The following CAPZA2 variants were observed in gnomAD, a reference collection of about 807,000 sequenced individuals.
The protein encoded by CAPZA2 is capping actin protein of muscle Z-line subunit alpha 2, also known as F-actin-capping protein subunit alpha-2.
CAPZA2 carries 13 observed loss-of-function variants against 44.0 expected under a neutral mutation model. The observed-to-expected ratio is 0.30, with a 90% CI of 0.19 to 0.47. CAPZA2 has a LOEUF of 0.47. CAPZA2 is among the 20% of genes least tolerant of loss of function. CAPZA2 has a pLI of 1.00. For missense variants in CAPZA2, 244 were observed against 338.6 expected, an observed-to-expected ratio of 0.72 and a Z score of 2.19; for synonymous variants, 94 against 108.2, an observed-to-expected ratio of 0.87 and a Z score of 0.81.
At chr7:116,894,360 CA>C (rs10706961) in intron 3 of CAPZA2, among the ~76,000 whole-genome samples, 77,350 of 114,550 alleles carry the variant, frequency 0.68, 23,343 homozygotes, top group East Asian at 0.8. Context: ...GACTCCGTCT[CA>C]AAAAAAAAAA....
At chr7:116,869,283 G>T (rs1274040592) in intron 1 of CAPZA2, among the ~76,000 whole-genome samples, 2 of 152,166 alleles carry the variant, frequency 1.3e-5, no homozygotes, top group East Asian at 1.9e-4. Flanking sequence ...TTTCAAAAAA[G>T]AATTTCATAA....
intron 7 of CAPZA2, among the ~76,000 whole-genome samples, chr7:116,910,990 C>CAAAAA (rs57772383): frequency 7.9e-5 from 4 of 50,578 alleles, no homozygotes; most frequent in East Asian, 5.3e-4. Context: ...GACTCCGTCT[C>CAAAAA]AAAAAAAAAA....
intron 6 of CAPZA2, among the ~76,000 whole-genome samples, chr7:116,908,393 A>G (rs1408133044): frequency 6.6e-6 from 1 of 152,222 alleles, no homozygotes; most frequent in Non-Finnish European, 1.5e-5. Flanking sequence ...CCATTTCTCC[A>G]GGATCTAGCA....
chr7:116,880,473 C>G (rs1289993221), intron 1 of CAPZA2, among the ~76,000 whole-genome samples: 1 of 151,374 alleles, frequency 6.6e-6, no homozygotes, highest in East Asian at 2.0e-4. Context: ...TCTCGGCTCA[C>G]TGCAACCTCT....
At chr7:116,873,104 T>G (rs1187207302) in intron 1 of CAPZA2, among the ~76,000 whole-genome samples, 2 of 152,166 alleles carry the variant, frequency 1.3e-5, no homozygotes, top group African/African-American at 4.8e-5. Context: ...GCCCATACCA[T>G]GTGGAAATTA....
chr7:116,906,190 T>C, intron 5 of CAPZA2, 73 bp from the exon 6 acceptor site: 1 of 1,563,526 alleles, frequency 6.4e-7, no homozygotes, highest in Non-Finnish European at 8.6e-7. Flanking sequence ...ATTTGCAGTA[T>C]TTTATAGATT....
At chr7:116,910,771 C>T (rs894174802) in intron 7 of CAPZA2, among the ~76,000 whole-genome samples, 8 of 151,916 alleles carry the variant, frequency 5.3e-5, no homozygotes, top group Non-Finnish European at 8.8e-5. Context: ...TTTGGGAGGC[C>T]GAGGTGGGTG....
At chr7:116,883,190 T>A (rs1483352966) in intron 1 of CAPZA2, among the ~76,000 whole-genome samples, 2 of 152,218 alleles carry the variant, frequency 1.3e-5, no homozygotes, top group African/African-American at 2.4e-5. Flanking sequence ...TCACTTACCC[T>A]CCATGTTTGT....
Position 116,912,158 on chromosome 7 carries a change from C to T in CAPZA2, c.657+18C>T, listed in dbSNP as rs1211215121. The T allele has an allele frequency of 1.2e-6, 2 of 1,609,984 alleles. No individual in the cohort carries two copies. Among genetic ancestry groups the T allele is most frequent in the South Asian group, 1.1e-5 (1 of 90,632 alleles). On this transcript the variant is annotated intron_variant, in intron 8 of 9. Transcript: ENST00000361183. ...CAGTGTCTGTAAGTAATTAATTCCA[C>T]AATAAAATTTAACCTAATACTTCTG... is the stretch of plus-strand genomic sequence containing the variant.
chr7:116,896,228 A>G (rs933384189), intron 3 of CAPZA2, among the ~76,000 whole-genome samples: 3 of 151,586 alleles, frequency 2.0e-5, no homozygotes, highest in Non-Finnish European at 4.4e-5. Context: ...TATTCTTTAG[A>G]GTGGTTGTAA....
chr7:116,888,372 A>G (rs1796789737), intron 2 of CAPZA2, 182 bp downstream of exon 2: 2 of 444,848 alleles, frequency 4.5e-6, no homozygotes, highest in Non-Finnish European at 7.9e-6. Flanking sequence ...TTTATATATG[A>G]TGATTCTGTT....
intron 1 of CAPZA2, among the ~76,000 whole-genome samples, chr7:116,870,148 A>G (rs1419713559): frequency 6.6e-6 from 1 of 152,266 alleles, no homozygotes; most frequent in East Asian, 1.9e-4. Flanking sequence ...TAAGTTTTAA[A>G]TTCACTAAAG....
chr7:116,863,428 C>T (rs544122820), intron 1 of CAPZA2, among the ~76,000 whole-genome samples: 1 of 152,294 alleles, frequency 6.6e-6, no homozygotes, highest in Admixed American at 6.5e-5. Context: ...AGGACTTCTT[C>T]CGAAGAGGGG....
rs1274650520 is a variant in CAPZA2 at position 116,920,344 on chromosome 7, CATT to C, written c.*2480_*2482del. 4.6e-5 allele frequency: 7 copies of C among 152,174 alleles called. No homozygotes were observed. The highest frequency in any genetic ancestry group is 1.7e-4 in the African/African-American group (7 of 41,424). The allele number at this position is 152,174 out of a possible 1,614,324, so 9.4% of individuals were successfully genotyped here. ...TCAGGGATGTAATTTTAGTAGGAGA[CATT>C]ATGGCTGCTTTGCTGAGTAGGCTGA... On this transcript the variant is annotated 3_prime_UTR_variant, in exon 10 of 10. Transcript: ENST00000361183.
At chr7:116,898,728 A>G in intron 3 of CAPZA2, 44 bp from the exon 4 acceptor site, 1 of 1,309,702 alleles carries the variant, frequency 7.6e-7, no homozygotes, top group South Asian at 1.3e-5. Flanking sequence ...TTTAAAAAAC[A>G]TTAAATATAT....
At chr7:116,912,761 C>G (rs965776988) in intron 8 of CAPZA2, among the ~76,000 whole-genome samples, 13 of 152,138 alleles carry the variant, frequency 8.5e-5, no homozygotes, top group Admixed American at 7.2e-4. Flanking sequence ...CTTTTTGCTG[C>G]TGTGAACATT....
At chr7:116,898,231 T>G (rs1796951773) in intron 3 of CAPZA2, among the ~76,000 whole-genome samples, 1 of 152,086 alleles carries the variant, frequency 6.6e-6, no homozygotes, top group African/African-American at 2.4e-5. Context: ...CCCAATTCTC[T>G]TCTCTTCTCA....
In CAPZA2 at chr7:116,912,023, TTGA is replaced by T. The variant is rs746714361; in HGVS notation, c.586-41_586-39del. 1.1e-4 allele frequency: 183 copies of T among 1,607,074 alleles called. No homozygotes were observed. The African/African-American group carries it at 2.0e-3, about 17-fold the overall frequency. ...TATGCTTGTTGACGCAATAAGGTTC[TTGA>T]TGATTCCTGTAATGTGGTTTCTGTA... On this transcript the variant is annotated intron_variant, in intron 7 of 9. Transcript: ENST00000361183.
At chr7:116,901,881 A>ATATGTGTG (rs375500363) in intron 4 of CAPZA2, among the ~76,000 whole-genome samples, 36,931 of 140,698 alleles carry the variant, frequency 0.26, 5,403 homozygotes, top group South Asian at 0.36. Flanking sequence ...TAACGAAGAA[A>ATATGTGTG]TGTGTGTGTG....
Sources: allele counts gnomAD v4.1 joint callset (sites outside exome capture counted in the v4.1 genomes callset), GRCh38; gene constraint gnomAD v4.1.1; transcripts MANE v1.5; gene names NCBI Gene and HGNC (gene_info 2026-07-23, HGNC 2026-07-21).